The following ZFHX3 variants were observed in gnomAD, a reference collection of about 807,000 sequenced individuals.
The protein encoded by ZFHX3 is zinc finger homeobox protein 3.
In ZFHX3, 42 loss-of-function variants were observed where a neutral mutation model predicts 279.1. The ratio of observed to expected loss-of-function variants is 0.15; its 90% CI spans 0.12 to 0.19. The LOEUF (loss-of-function observed/expected upper bound fraction) is 0.19, where lower values mean the gene tolerates loss of function less well. Among genes scored for constraint, ZFHX3 ranks in the 10% least tolerant of loss-of-function variants. The probability of loss-of-function intolerance (pLI) is 1.00; values close to 1 mark genes in which losing one functional copy is unlikely to be tolerated. For synonymous variants in ZFHX3, 2,293 were observed against 1,957.8 expected (o/e 1.17, Z -4.52); for missense variants, 4,981 against 4,754.0 (o/e 1.05, Z -1.40).
intron 1 of ZFHX3, among the ~76,000 whole-genome samples, chr16:73,850,978 G>T (rs1014339221): frequency 1.7e-4 from 26 of 152,226 alleles, no homozygotes; most frequent in African/African-American, 4.1e-4. Flanking sequence ...AAAACTGTAT[G>T]CCACCTCCAT....
At chr16:73,056,505 C>A (rs961650430) in intron 1 of ZFHX3, among the ~76,000 whole-genome samples, 4 of 152,044 alleles carry the variant, frequency 2.6e-5, no homozygotes, top group African/African-American at 4.8e-5. Context: ...CACAGGATGT[C>A]TACACTTTGG....
intron 2 of ZFHX3, among the ~76,000 whole-genome samples, chr16:73,529,226 C>T (rs181960773): frequency 1.3e-4 from 20 of 152,228 alleles, no homozygotes; most frequent in Non-Finnish European, 2.5e-4. Flanking sequence ...ATAATTTTGC[C>T]CAGTGGACCG....
intron 3 of ZFHX3, among the ~76,000 whole-genome samples, chr16:73,345,585 G>A (rs1364054101): frequency 6.6e-6 from 1 of 151,978 alleles, no homozygotes; most frequent in East Asian, 1.9e-4. Flanking sequence ...CCTTTTTATG[G>A]CTGCATCATA....
chr16:73,853,919 C>T (rs899583066), intron 1 of ZFHX3, among the ~76,000 whole-genome samples: 1 of 152,146 alleles, frequency 6.6e-6, no homozygotes, highest in Non-Finnish European at 1.5e-5. Flanking sequence ...ATAGGTTCTC[C>T]TATTATCACT....
At chr16:73,425,286 C>T (rs1056187021) in intron 3 of ZFHX3, among the ~76,000 whole-genome samples, 2 of 152,168 alleles carry the variant, frequency 1.3e-5, no homozygotes, top group Non-Finnish European at 2.9e-5. Flanking sequence ...CGTGCTGATG[C>T]TGGGGCCACT....
At chr16:73,554,999 C>A (rs557360481) in intron 2 of ZFHX3, among the ~76,000 whole-genome samples, 6 of 152,256 alleles carry the variant, frequency 3.9e-5, no homozygotes, top group Admixed American at 6.5e-5. Context: ...CACCCAATGC[C>A]CCCTAAGTGA....
intron 5 of ZFHX3, among the ~76,000 whole-genome samples, chr16:72,819,011 A>G (rs1358525343): frequency 6.6e-6 from 1 of 152,212 alleles, no homozygotes; most frequent in East Asian, 1.9e-4. Flanking sequence ...ATAGGTCAGC[A>G]CTTTAAAAAT....
At chr16:72,812,846 CG>C (rs1384462490) in intron 5 of ZFHX3, among the ~76,000 whole-genome samples, 4 of 152,228 alleles carry the variant, frequency 2.6e-5, no homozygotes, top group East Asian at 3.9e-4. Context: ...ACAGCACGTA[CG>C]GAAGTGCTGG....
chr16:73,683,335 G>T (rs964425884), intron 1 of ZFHX3, among the ~76,000 whole-genome samples: 1 of 152,074 alleles, frequency 6.6e-6, no homozygotes, highest in African/African-American at 2.4e-5. Context: ...CAGTCAGGTT[G>T]GTAACTACTG....
At chr16:73,336,572 C>G (rs2015917193) in intron 3 of ZFHX3, among the ~76,000 whole-genome samples, 1 of 152,096 alleles carries the variant, frequency 6.6e-6, no homozygotes, top group East Asian at 1.9e-4. Flanking sequence ...TGATCTTGTT[C>G]ATTTTTATGA....
At chr16:73,256,634 T>C (rs538134344) in intron 5 of ZFHX3, among the ~76,000 whole-genome samples, 1 of 152,342 alleles carries the variant, frequency 6.6e-6, no homozygotes, top group South Asian at 2.1e-4. Flanking sequence ...TCAGTGTTTC[T>C]CAGTCTTTGC....
intron 8 of ZFHX3, among the ~76,000 whole-genome samples, chr16:73,072,818 C>T (rs1442421342): frequency 1.3e-5 from 2 of 152,184 alleles, no homozygotes; most frequent in East Asian, 1.9e-4. Flanking sequence ...ATCCTCCCAC[C>T]TCTGTCTTCC....
At chr16:73,871,806 G>A (rs920756425) in intron 1 of ZFHX3, among the ~76,000 whole-genome samples, 1 of 152,048 alleles carries the variant, frequency 6.6e-6, no homozygotes, top group African/African-American at 2.4e-5. Context: ...AGTTAGACTT[G>A]CTAACAAAAT....
At chr16:73,260,515 G>A (rs746632562) in intron 4 of ZFHX3, among the ~76,000 whole-genome samples, 2 of 151,806 alleles carry the variant, frequency 1.3e-5, no homozygotes, top group African/African-American at 4.8e-5. Context: ...CCATTTTTCC[G>A]TGAGCATTTC....
intron 4 of ZFHX3, among the ~76,000 whole-genome samples, chr16:73,295,996 G>T (rs977264893): frequency 6.6e-6 from 1 of 152,100 alleles, no homozygotes; most frequent in Non-Finnish European, 1.5e-5. Flanking sequence ...CCTGGATGGG[G>T]TCTAATGGTT....
intron 2 of ZFHX3, among the ~76,000 whole-genome samples, chr16:73,562,149 C>A (rs534404082): frequency 6.6e-6 from 1 of 152,268 alleles, no homozygotes; most frequent in South Asian, 2.1e-4. Context: ...TTGGGCAATG[C>A]ATTTTGGATC....
intron 5 of ZFHX3, among the ~76,000 whole-genome samples, chr16:73,202,837 C>A (rs940184267): frequency 2.0e-5 from 3 of 151,674 alleles, no homozygotes; most frequent in South Asian, 4.2e-4. Context: ...CCTTACTGTG[C>A]TTTTATCCCC....
Position 73,033,714 on chromosome 16 carries a change from C to A in ZFHX3, c.-50+14038G>T, listed in dbSNP as rs370966346. On this transcript the variant is annotated intron_variant, in intron 1 of 9. Transcript: ENST00000268489. ...GTTAAAGGAATTCGATACCTCCCTC[C>A]CTCCAAACCCAAATCCACACCCGCT... is the stretch of plus-strand genomic sequence containing the variant. Among the ~76,000 whole-genome samples, 11 of 152,310 alleles carry A rather than the reference C, an allele frequency of 7.2e-5. No individual in the cohort carries two copies. The East Asian group carries it at 1.2e-3, about 16-fold the overall frequency.
intron 5 of ZFHX3, among the ~76,000 whole-genome samples, chr16:73,166,851 T>G (rs1467419156): frequency 6.6e-6 from 1 of 152,156 alleles, no homozygotes; most frequent in Non-Finnish European, 1.5e-5. Flanking sequence ...CTGAGGACCC[T>G]CCAGACAGGG....
Sources: allele counts gnomAD v4.1 joint callset (sites outside exome capture counted in the v4.1 genomes callset), GRCh38; gene constraint gnomAD v4.1.1; transcripts MANE v1.5; gene names NCBI Gene and HGNC (gene_info 2026-07-23, HGNC 2026-07-21).